NLRP14: variants seen among roughly 807,000 people sequenced by gnomAD.
NLRP14 encodes the protein NACHT, LRR and PYD domains-containing protein 14.
Under a neutral mutation model 94.7 loss-of-function variants are expected in NLRP14, and 105 were observed. The ratio of observed to expected loss-of-function variants is 1.11; its 90% CI spans 0.95 to 1.30. The LOEUF (loss-of-function observed/expected upper bound fraction) is 1.30, where lower values mean the gene tolerates loss of function less well. NLRP14 is among the 50% of genes most tolerant of loss of function. The pLI, the probability that NLRP14 is intolerant of heterozygous loss-of-function variation, is 0.00. For missense variants in NLRP14, 1,362 were observed against 1,254.1 expected (o/e 1.09, Z -1.30); for synonymous variants, 508 against 459.9 (o/e 1.10, Z -1.34).
intron 10 of NLRP14, among the ~76,000 whole-genome samples, chr11:7,064,834 A>C (rs1382784651): frequency 6.6e-6 from 1 of 151,516 alleles, no homozygotes; most frequent in Non-Finnish European, 1.5e-5. Context: ...TTTTTTTTCC[A>C]GCAAAAAGTA....
chr11:7,066,150 A>G (rs1201392549), intron 10 of NLRP14, among the ~76,000 whole-genome samples: 1 of 152,172 alleles, frequency 6.6e-6, no homozygotes, highest in Non-Finnish European at 1.5e-5. Context: ...GATATTGCAA[A>G]TGGTGCTGCA....
chr11:7,059,861 A>G, intron 8 of NLRP14, 33 bp from the exon 9 acceptor site: 1 of 1,577,566 alleles, frequency 6.3e-7, no homozygotes, highest in Non-Finnish European at 8.7e-7. Context: ...TAGAGCAATG[A>G]TTCCATCTTT....
the NLRP14 span, among the ~76,000 whole-genome samples, chr11:7,088,767 T>G: frequency 1.3e-5 from 2 of 152,296 alleles, no homozygotes; most frequent in South Asian, 4.1e-4. Context: ...TTACAATTGT[T>G]CTCATTAAAA....
At chr11:7,089,536 T>C in the NLRP14 span, 7 of 1,206,452 alleles carry the variant, frequency 5.8e-6, no homozygotes, top group African/African-American at 4.9e-5. Flanking sequence ...GATTTCGACC[T>C]GCGGCCCTCC....
rs1445545620 is a variant in NLRP14 at position 7,071,180 on chromosome 11, A to G, written c.3154A>G (p.Lys1052Glu). Residue 1052 changes from lysine (K) to glutamate (E), a missense_variant, in exon 12 of 12, where the codon AAA (lysine) becomes GAA (glutamate). By Grantham distance (56) the Lys-to-Glu change is moderately conservative (BLOSUM62 1). Transcript: ENST00000299481. ...GTTCCCTTGTTTTCTCAGGTTGTGC[A>G]AAGAGGCATTTGATGAGGAAGCCCA... is the stretch of plus-strand genomic sequence containing the variant. ...KCKLQVLGLC[K>E]EAFDEEAQKL... is the part of the protein sequence containing the mutation. 7 of 1,614,072 alleles carry G rather than the reference A, an allele frequency of 4.3e-6. No individual in the cohort carries two copies.
At chr11:7,056,968 A>G (rs1232209919) in intron 6 of NLRP14, among the ~76,000 whole-genome samples, 3 of 151,956 alleles carry the variant, frequency 2.0e-5, no homozygotes, top group Non-Finnish European at 4.4e-5. Context: ...ACGAGAAACA[A>G]TTCTTGAGTG....
At position 7,042,595 on chromosome 11, in the gene NLRP14, C is replaced by A. The variant is rs149141405; in HGVS notation, c.569C>A (p.Thr190Lys). The A allele has an allele frequency of 9.9e-6, 16 of 1,614,216 alleles. No individual in the cohort carries two copies. The highest frequency in any genetic ancestry group is 1.4e-5 in the Non-Finnish European group (16 of 1,180,040). The change falls in exon 4 of 12, where the codon ACA (threonine) becomes AAA (lysine). Residue 190 changes from threonine to lysine, a missense_variant. Physicochemically the swap from Thr to Lys is moderately conservative, Grantham distance 78. Coordinates refer to ENST00000299481, the MANE Select transcript of NLRP14 (RefSeq NM_176822.4). ...CAGGGAGCTGCTGGAGTTGGGAAAA[C>A]AACCTTGGTGAGAAAGGCAATGTTA... ...VLQGAAGVGKTTLVRKAMLDW... is the reference protein window; with the variant it reads ...VLQGAAGVGKKTLVRKAMLDW...
At chr11:7,076,748 T>G in the NLRP14 span, among the ~76,000 whole-genome samples, 1 of 152,278 alleles carries the variant, frequency 6.6e-6, no homozygotes, top group Admixed American at 6.5e-5. Flanking sequence ...CTTGTCTCCC[T>G]CATCACAATG....
intron 1 of NLRP14, among the ~76,000 whole-genome samples, chr11:7,035,727 T>G (rs1398581658): frequency 3.3e-5 from 5 of 152,146 alleles, no homozygotes; most frequent in Non-Finnish European, 5.9e-5. Context: ...GAGATTCCCT[T>G]CTCCCTTTGT....
chr11:7,024,434 G>C (rs1851986761), intron 1 of NLRP14, among the ~76,000 whole-genome samples: 1 of 152,130 alleles, frequency 6.6e-6, no homozygotes, highest in African/African-American at 2.4e-5. Context: ...ATTGAACCTG[G>C]TCCCATATCC....
At chr11:7,070,605 A>AAT in intron 11 of NLRP14, 149 bp downstream of exon 11, 1 of 624,948 alleles carries the variant, frequency 1.6e-6, no homozygotes, top group East Asian at 2.8e-5. Flanking sequence ...TAGAACACTG[A>AAT]ATATTGAGAG....
chr11:7,037,854 G>A (rs1019586386), intron 1 of NLRP14, among the ~76,000 whole-genome samples: 22 of 152,294 alleles, frequency 1.4e-4, no homozygotes, highest in African/African-American at 4.3e-4. Context: ...GTAAGGTCAT[G>A]GGAGTTGATG....
At chr11:7,044,014 T>A in intron 4 of NLRP14, 30 bp downstream of exon 4, 2 of 1,603,410 alleles carry the variant, frequency 1.2e-6, no homozygotes, top group South Asian at 1.1e-5. Flanking sequence ...TCCCTGGAAG[T>A]GCCCTGTAAG....
At chr11:7,080,019 G>A in the NLRP14 span, among the ~76,000 whole-genome samples, 1 of 152,230 alleles carries the variant, frequency 6.6e-6, no homozygotes, top group South Asian at 2.1e-4. Context: ...TGGCGGGAAG[G>A]TTGTTTACCA....
chr11:7,036,831 T>A (rs1240708011), intron 1 of NLRP14, among the ~76,000 whole-genome samples: 2 of 152,138 alleles, frequency 1.3e-5, no homozygotes, highest in African/African-American at 2.4e-5. Context: ...AAGGGAATAT[T>A]TGTAAAAGAC....
intron 10 of NLRP14, 144 bp from the exon 11 acceptor site, chr11:7,070,142 C>A: frequency 1.5e-6 from 1 of 660,410 alleles, no homozygotes; most frequent in Non-Finnish European, 2.7e-6. Flanking sequence ...ATTATAGGTA[C>A]TTATAGTCCT....
chr11:7,057,625 G>A (rs1852535516), intron 6 of NLRP14, 52 bp from the exon 7 acceptor site: 1 of 1,546,172 alleles, frequency 6.5e-7, no homozygotes, highest in South Asian at 1.1e-5. Flanking sequence ...GGTGTTGGTT[G>A]TAATTATTCT....
chr11:7,035,139 A>AAAATAAATAAAT (rs10569142), intron 1 of NLRP14, among the ~76,000 whole-genome samples: 2 of 149,266 alleles, frequency 1.3e-5, no homozygotes, highest in African/African-American at 2.5e-5. Flanking sequence ...TAAAAATCCA[A>AAAATAAATAAAT]AAATAAATAA....
intron 6 of NLRP14, among the ~76,000 whole-genome samples, chr11:7,054,836 G>C (rs1193537635): frequency 6.6e-6 from 1 of 151,914 alleles, no homozygotes; most frequent in Admixed American, 6.6e-5. Context: ...TTTTTGCTTT[G>C]GTTGCCTATG....
Sources: allele counts gnomAD v4.1 joint callset (sites outside exome capture counted in the v4.1 genomes callset), GRCh38; gene constraint gnomAD v4.1.1; transcripts MANE v1.5; gene names NCBI Gene and HGNC (gene_info 2026-07-23, HGNC 2026-07-21).